Variants in OPHN1 observed in about 807,000 individuals in gnomAD.
OPHN1 encodes oligophrenin 1.
A neutral mutation model predicts 60.7 loss-of-function variants in OPHN1; 11 were observed. The observed-to-expected ratio is 0.18, with a 90% CI of 0.11 to 0.30. The LOEUF is 0.30. Among genes scored for constraint, OPHN1 ranks in the 10% least tolerant of loss-of-function variants. OPHN1 has a pLI of 1.00. For synonymous variants in OPHN1, 226 were observed against 222.6 expected (o/e 1.02, Z -0.14); for missense variants, 449 against 611.0 (o/e 0.73, Z 2.80).
At chrX:68,168,693 C>CA (rs1185279404) in intron 15 of OPHN1, among the ~76,000 whole-genome samples, 4 of 112,071 alleles carry the variant, frequency 3.6e-5, no homozygotes, top group African/African-American at 1.3e-4. Flanking sequence ...GAAAACCCTT[C>CA]AAAAAATTAA....
chrX:68,094,786 A>G (rs1411228277), intron 19 of OPHN1, among the ~76,000 whole-genome samples: 1 of 110,760 alleles, frequency 9.0e-6, no homozygotes, highest in African/African-American at 3.3e-5. Context: ...TTTCTATTTC[A>G]TCTTTTGCTT....
At chrX:68,197,520 A>G (rs1490889990) in intron 11 of OPHN1, among the ~76,000 whole-genome samples, 5 of 111,164 alleles carry the variant, frequency 4.5e-5, no homozygotes, top group Non-Finnish European at 7.5e-5. Context: ...TAGGAAGGTA[A>G]CTGTCAAGAC....
At chrX:68,360,858 T>G (rs1408991337) in intron 2 of OPHN1, among the ~76,000 whole-genome samples, 1 of 111,434 alleles carries the variant, frequency 9.0e-6, no homozygotes, top group Non-Finnish European at 1.9e-5. Flanking sequence ...CTTAAAATAA[T>G]GATAGGGACA....
In OPHN1 at chrX:68,396,267, C is replaced by CA. The variant is rs536490670; in HGVS notation, c.154+36599dup. 3.0e-3 allele frequency among the ~76,000 whole-genome samples: 194 copies of CA among 64,716 alleles called. 1 individual carries two copies. Among genetic ancestry groups the CA allele is most frequent in the Middle Eastern group, 0.01 (1 of 99 alleles). 56.2% of individuals were successfully genotyped at this position (64,716 alleles called of 115,157 possible). On this transcript the variant is annotated intron_variant, in intron 2 of 24. Coordinates refer to ENST00000355520, the MANE Select transcript of OPHN1 (RefSeq NM_002547.3). ...GGGAAACATAGTGAGGCTGTCTCTA[C>CA]AAAAAAAAAAAAAATAGCCTGGCAC...
At chrX:68,118,207 A>C (rs963948835) in intron 16 of OPHN1, among the ~76,000 whole-genome samples, 1 of 111,213 alleles carries the variant, frequency 9.0e-6, no homozygotes, top group Non-Finnish European at 1.9e-5. Context: ...TTAATGGAGA[A>C]AGTGGTGCAC....
chrX:68,318,082 T>C, intron 2 of OPHN1, among the ~76,000 whole-genome samples: 1 of 111,824 alleles, frequency 8.9e-6, no homozygotes, highest in Non-Finnish European at 1.9e-5. Context: ...AGCTGCCCCA[T>C]ACAAAATCAA....
chrX:68,238,478 T>C (rs1175109357), intron 5 of OPHN1, among the ~76,000 whole-genome samples: 1 of 110,544 alleles, frequency 9.0e-6, no homozygotes, highest in Non-Finnish European at 1.9e-5. Flanking sequence ...CTTTAATTTA[T>C]AGATTAATTA....
chrX:68,102,614 C>A (rs2077064191), intron 18 of OPHN1, among the ~76,000 whole-genome samples: 1 of 109,833 alleles, frequency 9.1e-6, no homozygotes, highest in Non-Finnish European at 1.9e-5. Flanking sequence ...ATTAACTAAA[C>A]AGATAGACTG....
intron 15 of OPHN1, among the ~76,000 whole-genome samples, chrX:68,153,223 A>G (rs1034331788): frequency 3.6e-5 from 4 of 109,751 alleles, no homozygotes; most frequent in East Asian, 2.9e-4. Flanking sequence ...AAAAAAAAAA[A>G]AAAGAAAAAA....
At position 68,289,985 on chromosome X, in the gene OPHN1, A is replaced by C. The variant is rs371835049; in HGVS notation, c.251-6868T>G. ...ATTGTACACAAGTACAGCTATATGC[A>C]GAAAATTGTTTCGACCCCCAAAAAA... On this transcript the variant is annotated intron_variant, in intron 3 of 24. Coordinates refer to ENST00000355520, the MANE Select transcript of OPHN1 (RefSeq NM_002547.3). Among the ~76,000 whole-genome samples, 12 of 111,868 alleles carry C rather than the reference A, an allele frequency of 1.1e-4. No individual in the cohort carries two copies. The East Asian group carries it at 2.8e-3, about 26-fold the overall frequency.
chrX:68,360,967 C>G (rs776560327), intron 2 of OPHN1: 4 of 111,827 alleles, frequency 3.6e-5, no homozygotes, highest in Non-Finnish European at 5.6e-5. Flanking sequence ...CTATAAGATA[C>G]TAACACTACC....
chrX:68,180,409 A>G (rs988651495), intron 15 of OPHN1, among the ~76,000 whole-genome samples: 4 of 111,743 alleles, frequency 3.6e-5, no homozygotes, highest in African/African-American at 9.8e-5. Context: ...ATGTTTCTGA[A>G]ACATATTCAG....
intron 18 of OPHN1, among the ~76,000 whole-genome samples, chrX:68,099,707 C>T (rs1173079082): frequency 1.8e-5 from 2 of 112,405 alleles, no homozygotes; most frequent in African/African-American, 3.2e-5. Flanking sequence ...ATTGCTGCCA[C>T]GTGGGCATGC....
At chrX:68,087,562 T>C (rs1466963296) in intron 19 of OPHN1, among the ~76,000 whole-genome samples, 1 of 112,049 alleles carries the variant, frequency 8.9e-6, no homozygotes, top group Non-Finnish European at 1.9e-5. Flanking sequence ...TCATTTCCAA[T>C]TGCCAAAGGC....
intron 15 of OPHN1, among the ~76,000 whole-genome samples, chrX:68,176,817 G>C (rs1433820579): frequency 9.0e-6 from 1 of 110,696 alleles, no homozygotes; most frequent in African/African-American, 3.3e-5. Flanking sequence ...GGAACACTAG[G>C]CATAAATGGG....
intron 21 of OPHN1, among the ~76,000 whole-genome samples, chrX:68,063,185 TC>T (rs1297708290): frequency 9.2e-6 from 1 of 108,753 alleles, no homozygotes; most frequent in Non-Finnish European, 1.9e-5. Flanking sequence ...AGCCTCCATT[TC>T]CAAATTAAAA....
chrX:68,352,886 C>T (rs915726738), intron 2 of OPHN1, among the ~76,000 whole-genome samples: 4 of 112,046 alleles, frequency 3.6e-5, no homozygotes, highest in Non-Finnish European at 5.6e-5. Flanking sequence ...GGTGCAGTGG[C>T]TTACGCCTGT....
chrX:68,384,630 G>A (rs1282312616), intron 2 of OPHN1, among the ~76,000 whole-genome samples: 1 of 110,007 alleles, frequency 9.1e-6, no homozygotes, highest in Non-Finnish European at 1.9e-5. Flanking sequence ...GCTGAGGCTG[G>A]AAAATTGCTT....
At chrX:68,198,691 T>C (rs1353798661) in intron 11 of OPHN1, among the ~76,000 whole-genome samples, 3 of 111,788 alleles carry the variant, frequency 2.7e-5, no homozygotes, top group Admixed American at 1.9e-4. Flanking sequence ...AGTCATAGAA[T>C]GATAAAAGCA....
Sources: gnomAD v4.1 joint callset for allele counts (sites outside exome capture counted in the v4.1 genomes callset) on GRCh38, gnomAD v4.1.1 for gene constraint, MANE v1.5 for transcripts, NCBI Gene and HGNC (gene_info 2026-07-23, HGNC 2026-07-21) for gene names.